Variants in CCSER1 observed in about 807,000 individuals in gnomAD.
CCSER1 encodes the protein serine-rich coiled-coil domain-containing protein 1.
Under a neutral mutation model 82.0 loss-of-function variants are expected in CCSER1, and 41 were observed. That is an observed-to-expected ratio of 0.50 (90% CI 0.39 to 0.65). CCSER1 has a LOEUF of 0.65. CCSER1 is among the 30% of genes least tolerant of loss of function. The probability of loss-of-function intolerance (pLI) is 0.00; values close to 1 mark genes in which losing one functional copy is unlikely to be tolerated. For synonymous variants in CCSER1, 414 were observed against 383.9 expected (o/e 1.08, Z -0.92); for missense variants, 1,119 against 1,064.2 (o/e 1.05, Z -0.72).
chr4:91,537,255 A>C (rs902896161), intron 10 of CCSER1, among the ~76,000 whole-genome samples: 3 of 152,128 alleles, frequency 2.0e-5, no homozygotes, highest in Non-Finnish European at 2.9e-5. Context: ...CAGCTAGTAT[A>C]ATAAGTGAGA....
intron 9 of CCSER1, among the ~76,000 whole-genome samples, chr4:90,953,557 T>G (rs1436167461): frequency 2.0e-5 from 3 of 151,516 alleles, no homozygotes; most frequent in African/African-American, 7.2e-5. Flanking sequence ...GGATCAAACT[T>G]TATTTCACCT....
At chr4:90,533,303 G>C (rs1346586208) in intron 5 of CCSER1, among the ~76,000 whole-genome samples, 1 of 151,868 alleles carries the variant, frequency 6.6e-6, no homozygotes, top group Non-Finnish European at 1.5e-5. Flanking sequence ...CACCGTGTTA[G>C]CCAGGATGGT....
At chr4:90,298,114 A>T (rs1319549044) in intron 1 of CCSER1, among the ~76,000 whole-genome samples, 5 of 151,966 alleles carry the variant, frequency 3.3e-5, no homozygotes, top group Admixed American at 2.6e-4. Context: ...CTGTGAATCC[A>T]TCTGGTCCTG....
intron 1 of CCSER1, among the ~76,000 whole-genome samples, chr4:90,131,903 CTTCAT>C (rs1328074673): frequency 6.6e-6 from 1 of 152,012 alleles, no homozygotes; most frequent in Admixed American, 6.5e-5. Flanking sequence ...AAATGCATTT[CTTCAT>C]TTCAAGAATA....
chr4:90,136,423 A>G (rs1723713440), intron 1 of CCSER1, among the ~76,000 whole-genome samples: 1 of 152,226 alleles, frequency 6.6e-6, no homozygotes, highest in Non-Finnish European at 1.5e-5. Context: ...TTATGGGGAT[A>G]TCAGTGATAT....
chr4:90,602,000 C>T (rs1367256157), intron 5 of CCSER1, among the ~76,000 whole-genome samples: 1 of 151,964 alleles, frequency 6.6e-6, no homozygotes, highest in Non-Finnish European at 1.5e-5. Flanking sequence ...TCTCTGTGAA[C>T]TTTAGAGGAA....
chr4:90,371,408 C>T (rs180980019), intron 3 of CCSER1, among the ~76,000 whole-genome samples: 175 of 151,688 alleles, frequency 1.2e-3, no homozygotes, highest in African/African-American at 4.0e-3. Context: ...ATTGCTATGC[C>T]TTAAGATATG....
intron 6 of CCSER1, among the ~76,000 whole-genome samples, chr4:90,667,898 G>A (rs944527654): frequency 2.0e-5 from 3 of 152,064 alleles, no homozygotes; most frequent in African/African-American, 7.2e-5. Flanking sequence ...ACAGTTTTTA[G>A]ACTGAAAATC....
intron 10 of CCSER1, chr4:91,325,250 A>G (rs1746475217): frequency 2.2e-6 from 1 of 447,784 alleles, no homozygotes; most frequent in African/African-American, 2.0e-5. Flanking sequence ...GCCTGTGCAC[A>G]TGGGTCCTAG....
intron 9 of CCSER1, among the ~76,000 whole-genome samples, chr4:90,953,405 C>G (rs1733119587): frequency 6.6e-6 from 1 of 151,218 alleles, no homozygotes; most frequent in South Asian, 2.1e-4. Context: ...TACAATGAAA[C>G]TTTTCTTACT....
intron 4 of CCSER1, among the ~76,000 whole-genome samples, chr4:90,455,119 G>T (rs1324270464): frequency 6.6e-6 from 1 of 152,152 alleles, no homozygotes; most frequent in African/African-American, 2.4e-5. Flanking sequence ...GTTGGCAAAG[G>T]TCCGAACTTC....
At chr4:91,265,540 A>G (rs557611265) in intron 10 of CCSER1, among the ~76,000 whole-genome samples, 2 of 152,302 alleles carry the variant, frequency 1.3e-5, no homozygotes, top group African/African-American at 4.8e-5. Context: ...TTCTCACTGG[A>G]TTAATTCAAA....
chr4:90,347,311 CTCTATCTATCTATCTATCTA>C (rs35636292), intron 3 of CCSER1, among the ~76,000 whole-genome samples: 2 of 148,716 alleles, frequency 1.3e-5, no homozygotes, highest in African/African-American at 5.0e-5. Flanking sequence ...TTAACATAAG[CTCTATCTATCTATCTATCTA>C]TCTATCTATC....
At chr4:90,933,899 T>C (rs1235016823) in intron 9 of CCSER1, among the ~76,000 whole-genome samples, 1 of 151,826 alleles carries the variant, frequency 6.6e-6, no homozygotes, top group East Asian at 1.9e-4. Context: ...CGTGAATATT[T>C]TAAACATTTT....
chr4:91,283,093 A>G (rs1743038656), intron 10 of CCSER1, among the ~76,000 whole-genome samples: 1 of 151,998 alleles, frequency 6.6e-6, no homozygotes, highest in Non-Finnish European at 1.5e-5. Context: ...ATGTTTTAAA[A>G]CATGTCCTTG....
At chr4:90,816,074 C>T (rs1158191081) in intron 8 of CCSER1, among the ~76,000 whole-genome samples, 1 of 152,162 alleles carries the variant, frequency 6.6e-6, no homozygotes, top group Non-Finnish European at 1.5e-5. Flanking sequence ...GTTCCAGAAA[C>T]ATATCACTGA....
intron 10 of CCSER1, among the ~76,000 whole-genome samples, chr4:91,521,501 G>T (rs540408059): frequency 1.3e-5 from 2 of 152,168 alleles, no homozygotes; most frequent in Non-Finnish European, 2.9e-5. Context: ...CACCAACAGC[G>T]TAAAAGTGTT....
At chr4:90,764,051 T>C (rs974153968) in intron 7 of CCSER1, among the ~76,000 whole-genome samples, 2 of 152,170 alleles carry the variant, frequency 1.3e-5, no homozygotes, top group South Asian at 4.1e-4. Flanking sequence ...GAAAAACAGA[T>C]ATTTCAACAG....
intron 6 of CCSER1, among the ~76,000 whole-genome samples, chr4:90,639,495 C>T (rs1470465226): frequency 6.6e-6 from 1 of 151,954 alleles, no homozygotes; most frequent in Non-Finnish European, 1.5e-5. Context: ...TCAACATATA[C>T]TGTGGTTGTT....
Sources: allele counts gnomAD v4.1 joint callset (sites outside exome capture counted in the v4.1 genomes callset), GRCh38; gene constraint gnomAD v4.1.1; transcripts MANE v1.5; gene names NCBI Gene and HGNC (gene_info 2026-07-23, HGNC 2026-07-21).